The following PTPA variants were observed in gnomAD, a reference collection of about 807,000 sequenced individuals.
PTPA encodes the protein protein phosphatase 2 phosphatase activator, also known as serine/threonine-protein phosphatase 2A activator.
In PTPA, 13 loss-of-function variants were observed where a neutral mutation model predicts 43.6. That is an observed-to-expected ratio of 0.30 (90% CI 0.19 to 0.47). The LOEUF (loss-of-function observed/expected upper bound fraction) is 0.47. Ranked by LOEUF, PTPA falls within the 20% of genes least tolerant of loss-of-function variation. PTPA has a pLI of 0.99. For missense variants in PTPA, 329 were observed against 411.9 expected, an observed-to-expected ratio of 0.80 and a Z score of 1.74; for synonymous variants, 172 against 158.2, an observed-to-expected ratio of 1.09 and a Z score of -0.66.
chr9:129,135,585 C>T (rs929221606), intron 6 of PTPA, among the ~76,000 whole-genome samples: 33 of 152,326 alleles, frequency 2.2e-4, no homozygotes, highest in African/African-American at 7.5e-4. Flanking sequence ...ACTGGGTTCA[C>T]GCCAGCTGAA....
At chr9:129,114,507 A>G (rs1399071491) in intron 1 of PTPA, among the ~76,000 whole-genome samples, 1 of 152,170 alleles carries the variant, frequency 6.6e-6, no homozygotes, top group Non-Finnish European at 1.5e-5. Flanking sequence ...CTTTCTTCAT[A>G]GAATTGTAGT....
Position 129,120,557 on chromosome 9 carries a change from C to G in PTPA, c.76C>G (p.Pro26Ala), listed in dbSNP as rs993917840. The part of the protein sequence containing the change: ...APPATQNFII[P>A]KKEIHTVPDM... ...TCCAGCCACTCAGAACTTCATCATT[C>G]CAAAAAAGGAGATCCACACAGTTCC... The change falls in exon 2 of 10, where the codon CCA becomes GCA. Residue 26 changes from proline to alanine, a missense_variant. Pro to Ala is a conservative substitution (Grantham distance 27, BLOSUM62 -1). Transcript: ENST00000393370. 93 of 1,606,234 alleles carry G rather than the reference C, an allele frequency of 5.8e-5. No individual in the cohort carries two copies. Among genetic ancestry groups the G allele is most frequent in the Non-Finnish European group, 7.8e-5 (92 of 1,176,698 alleles).
intron 4 of PTPA, among the ~76,000 whole-genome samples, chr9:129,130,845 C>G (rs1340062354): frequency 2.0e-5 from 3 of 152,192 alleles, no homozygotes; most frequent in Non-Finnish European, 4.4e-5. Context: ...GGAGTGCTCC[C>G]CTTCCCAATT....
chr9:129,121,768 T>G (rs1237150832), intron 2 of PTPA, among the ~76,000 whole-genome samples: 1 of 152,236 alleles, frequency 6.6e-6, no homozygotes, highest in Non-Finnish European at 1.5e-5. Flanking sequence ...AACCTGCTTC[T>G]TTGTCTGAAT....
At position 129,128,169 on chromosome 9, in the gene PTPA, G is replaced by A. The variant is rs983269454; in HGVS notation, c.217-816G>A. ...AGCAGCTAAATGGTGTTTTAGCTGG[G>A]GTTTGAATCCAGGCCCACCATGCTA... On this transcript the variant is annotated intron_variant, in intron 3 of 9. Transcript: ENST00000393370. The A allele has an allele frequency of 1.0e-5, 7 of 699,972 alleles. No homozygotes were observed. In the East Asian group the frequency reaches 4.0e-4, roughly 40 times the overall value. 43.4% of individuals were successfully genotyped at this position (699,972 alleles called of 1,614,324 possible).
At chr9:129,132,778 G>A (rs751277728) in intron 5 of PTPA, among the ~76,000 whole-genome samples, 15 of 152,140 alleles carry the variant, frequency 9.9e-5, no homozygotes, top group Admixed American at 2.0e-4. Flanking sequence ...GATTACAGGC[G>A]TGAGCCACTG....
In PTPA at chr9:129,130,091, C is replaced by T. The variant is rs73672313; in HGVS notation, c.342+981C>T. On this transcript the variant is annotated intron_variant, in intron 4 of 9. Coordinates refer to ENST00000393370, the MANE Select transcript of PTPA (RefSeq NM_178000.3). The stretch of plus-strand genomic sequence containing the variant: ...TGGACTAGTCTATTGAACTGATCCT[C>T]TACTGATGTTTTTATTTTTGAATCT... 6.0e-3 allele frequency among the ~76,000 whole-genome samples: 908 copies of T among 152,248 alleles called. 11 individuals carry two copies. Among genetic ancestry groups the T allele is most frequent in the African/African-American group, 0.021 (862 of 41,542 alleles).
chr9:129,132,446 C>T (rs1850039483), intron 5 of PTPA, among the ~76,000 whole-genome samples: 1 of 152,174 alleles, frequency 6.6e-6, no homozygotes, highest in East Asian at 1.9e-4. Flanking sequence ...CCTCTCACCT[C>T]TGCATCTCCC....
chr9:129,136,303 A>T (rs1850363731), intron 6 of PTPA, among the ~76,000 whole-genome samples, 168 bp from the exon 7 acceptor site: 1 of 152,212 alleles, frequency 6.6e-6, no homozygotes, highest in Admixed American at 6.5e-5. Context: ...CCTGAGCCAA[A>T]AGATGGCTGA....
At chr9:129,143,599 T>C in intron 9 of PTPA, 1 of 618,474 alleles carries the variant, frequency 1.6e-6, no homozygotes, top group Non-Finnish European at 2.9e-6. Context: ...CTGCACTTGG[T>C]CCTGAAGGGG....
In PTPA at chr9:129,147,607, T is replaced by TTG; in HGVS notation, c.*144_*145dup. The TTG allele has an allele frequency of 1.1e-6, 1 of 882,302 alleles. No individual in the cohort carries two copies. 54.7% of individuals were successfully genotyped at this position (882,302 alleles called of 1,614,324 possible). Reference sequence around the variant, plus strand: ...ACTGGGGTGGGGTGGCGAGATGGGCTTGAGGGGGCTCAGAGCATAAGGCTT... The same window carrying TTG: ...ACTGGGGTGGGGTGGCGAGATGGGCTTGTGAGGGGGCTCAGAGCATAAGGCTT... On this transcript the variant is annotated 3_prime_UTR_variant, in exon 10 of 10. Transcript: ENST00000393370.
chr9:129,131,814 G>C (rs1376128706), intron 5 of PTPA, among the ~76,000 whole-genome samples, 175 bp downstream of exon 5: 1 of 152,218 alleles, frequency 6.6e-6, no homozygotes. Context: ...GAGGGCGTAG[G>C]CATGCAGGGA....
chr9:129,125,889 CTG>C (rs1287436495), intron 3 of PTPA, among the ~76,000 whole-genome samples: 1 of 152,200 alleles, frequency 6.6e-6, no homozygotes, highest in African/African-American at 2.4e-5. Flanking sequence ...TGGCTCATGA[CTG>C]TAATCCTAGC....
In PTPA at chr9:129,120,560, A is replaced by G. The variant is rs1282586003; in HGVS notation, c.79A>G (p.Lys27Glu). The G allele has an allele frequency of 1.9e-6, 3 of 1,613,806 alleles. No individual in the cohort carries two copies. The highest frequency in any genetic ancestry group is 2.2e-5 in the East Asian group (1 of 44,860). The change falls in exon 2 of 10, where the codon AAA becomes GAA. Residue 27 changes from lysine (K) to glutamate (E), a missense_variant. By Grantham distance (56) the Lys-to-Glu change is moderately conservative. Coordinates refer to ENST00000393370, the MANE Select transcript of PTPA (RefSeq NM_178000.3). ...AGCCACTCAGAACTTCATCATTCCA[A>G]AAAAGGAGATCCACACAGTTCCAGA... The part of the protein sequence containing the change: ...PPATQNFIIP[K>E]KEIHTVPDMG...
chr9:129,127,245 G>A (rs545287894), intron 3 of PTPA, among the ~76,000 whole-genome samples: 1 of 152,268 alleles, frequency 6.6e-6, no homozygotes, highest in Admixed American at 6.5e-5. Context: ...ACTCAGGGCC[G>A]GTTTCACATA....
chr9:129,145,927 T>A (rs549349656), intron 9 of PTPA, among the ~76,000 whole-genome samples: 2 of 152,122 alleles, frequency 1.3e-5, no homozygotes, highest in Non-Finnish European at 2.9e-5. Flanking sequence ...AGGCTCCTCC[T>A]GCCCTGGAGC....
intron 4 of PTPA, among the ~76,000 whole-genome samples, chr9:129,129,316 C>T (rs189000025): frequency 3.9e-5 from 6 of 152,128 alleles, no homozygotes; most frequent in Admixed American, 2.6e-4. Flanking sequence ...CACATACGGC[C>T]CTCTGCACTA....
rs1247607379 is a variant in PTPA, at chr9:129,137,629, G to A, written c.723G>A (p.Glu241=). Residue 241 remains glutamate (E), a synonymous_variant, in exon 8 of 10, where the codon GAG becomes GAA. Coordinates refer to ENST00000393370, the MANE Select transcript of PTPA (RefSeq NM_178000.3). ...PYLEPRHFVD[E]KAVNENHKDY... is the part of the protein sequence containing the mutation. ...TGGAGCCCAGACACTTTGTGGATGA[G>A]AAGGCCGTGAATGAGAACCACAAGG... 1 of 1,613,164 alleles carries A rather than the reference G, an allele frequency of 6.2e-7. No homozygotes were observed. The highest frequency in any genetic ancestry group is 8.5e-7 in the Non-Finnish European group (1 of 1,179,616).
intron 1 of PTPA, among the ~76,000 whole-genome samples, chr9:129,114,167 G>A (rs1270453946): frequency 1.3e-5 from 2 of 151,996 alleles, no homozygotes; most frequent in South Asian, 2.1e-4. Context: ...TTGCTGAGGC[G>A]CCCACCACTG....
Sources: gnomAD v4.1 joint callset for allele counts (sites outside exome capture counted in the v4.1 genomes callset) on GRCh38, gnomAD v4.1.1 for gene constraint, MANE v1.5 for transcripts, NCBI Gene and HGNC (gene_info 2026-07-23, HGNC 2026-07-21) for gene names.